MAP2: variants seen among roughly 807,000 people sequenced by gnomAD.
The protein encoded by MAP2 is microtubule associated protein 2.
In MAP2, 14 loss-of-function variants were observed where a neutral mutation model predicts 137.6. The observed-to-expected ratio is 0.10, with a 90% CI of 0.07 to 0.16. MAP2 has a LOEUF of 0.16. Ranked by LOEUF, MAP2 falls within the 10% of genes least tolerant of loss-of-function variation. The pLI is 1.00. For synonymous variants in MAP2, 786 were observed against 782.3 expected (o/e 1.00, Z -0.08); for missense variants, 2,088 against 2,191.5 (o/e 0.95, Z 0.94).
chr2:209,653,500 A>G (rs2094935936), intron 5 of MAP2, 68 bp downstream of exon 5: 1 of 1,490,188 alleles, frequency 6.7e-7, no homozygotes. Flanking sequence ...TCTGAAAGTG[A>G]ATTAATATAC....
chr2:209,509,301 C>T (rs2150228481), intron 2 of MAP2, among the ~76,000 whole-genome samples: 1 of 151,874 alleles, frequency 6.6e-6, no homozygotes, highest in East Asian at 1.9e-4. Context: ...AACCATCTTC[C>T]ACATGGAGAT....
intron 13 of MAP2, among the ~76,000 whole-genome samples, chr2:209,711,737 AAAGTGT>A (rs2065554382): frequency 6.6e-6 from 1 of 152,168 alleles, no homozygotes; most frequent in Non-Finnish European, 1.5e-5. Context: ...AAATAATTTA[AAAGTGT>A]AAGGTGAATA....
chr2:209,697,101 T>C, intron 10 of MAP2, 50 bp downstream of exon 10: 3 of 1,514,222 alleles, frequency 2.0e-6, no homozygotes, highest in Non-Finnish European at 2.6e-6. Flanking sequence ...CATGTATTTT[T>C]TTTTTAAATC....
In MAP2 at chr2:209,678,567, T is replaced by C. The variant is rs1173163890; in HGVS notation, c.263-5T>C. On this transcript the variant is annotated splice_region_variant and splice_polypyrimidine_tract_variant and intron_variant, in intron 5 of 15. Coordinates refer to ENST00000682079, the MANE Select transcript of MAP2 (RefSeq NM_001375505.1). ...TATATTTTATTTTGTTACTGTTTAT[T>C]ACAGAGGAGGTGTCTGCAAGGATAG... The C allele has an allele frequency of 6.8e-7, 1 of 1,476,906 alleles. No individual in the cohort carries two copies. The highest frequency in any genetic ancestry group is 2.4e-5 in the East Asian group (1 of 42,286). The allele number at this position is 1,476,906 out of a possible 1,614,324, so 91.5% of individuals were successfully genotyped here.
At chr2:209,428,567 G>T (rs890332695) in intron 1 of MAP2, among the ~76,000 whole-genome samples, 6 of 151,548 alleles carry the variant, frequency 4.0e-5, no homozygotes, top group African/African-American at 1.5e-4. Context: ...TTGGTCTTTA[G>T]AAAATGAAAT....
At chr2:209,709,477 T>C (rs1307361183) in intron 12 of MAP2, among the ~76,000 whole-genome samples, 1 of 152,118 alleles carries the variant, frequency 6.6e-6, no homozygotes, top group African/African-American at 2.4e-5. Context: ...TTCACCTGGA[T>C]CCCAGAATGA....
At chr2:209,641,976 C>T (rs1308894161) in intron 4 of MAP2, among the ~76,000 whole-genome samples, 2 of 152,112 alleles carry the variant, frequency 1.3e-5, no homozygotes, top group African/African-American at 4.8e-5. Flanking sequence ...CCTATTCCAC[C>T]AGTCTCACTG....
chr2:209,574,101 A>G (rs977275882), intron 2 of MAP2, among the ~76,000 whole-genome samples: 2 of 152,074 alleles, frequency 1.3e-5, no homozygotes, highest in Non-Finnish European at 2.9e-5. Context: ...GTACAGTACA[A>G]TGTTATTACC....
At chr2:209,664,113 A>G (rs2045067458) in intron 5 of MAP2, among the ~76,000 whole-genome samples, 1 of 152,138 alleles carries the variant, frequency 6.6e-6, no homozygotes, top group African/African-American at 2.4e-5. Flanking sequence ...GTTACTTGTT[A>G]TTTGTTTTTA....
intron 4 of MAP2, among the ~76,000 whole-genome samples, chr2:209,635,426 C>A (rs1400372825): frequency 6.6e-6 from 1 of 151,956 alleles, no homozygotes; most frequent in Admixed American, 6.6e-5. Flanking sequence ...TAGAAAAAAA[C>A]CCTGAGTTGA....
chr2:209,705,647 G>A lies in MAP2; in HGVS notation c.4652G>A (p.Arg1551Gln), dbSNP rs775158582. 3.7e-6 allele frequency: 6 copies of A among 1,613,090 alleles called. No individual in the cohort carries two copies. Among genetic ancestry groups the A allele is most frequent in the Non-Finnish European group, 5.1e-6 (6 of 1,179,448 alleles). The change falls in exon 12 of 16, where the codon CGG becomes CAG. Residue 1551 changes from arginine (R) to glutamine (Q), a missense_variant. Around this residue, in one of 6 missense-constraint regions of MAP2, gnomAD observed 591 missense variants for 642.6 expected, o/e 0.92. Transcript: ENST00000682079. Reference protein sequence around the residue: ...LPRPSSILPPRRGVSGDRDEN... With the variant: ...LPRPSSILPPQRGVSGDRDEN... ...AGACCTTCCTCCATTCTCCCTCCTC[G>A]GCGAGGTGTGTCAGGAGACAGAGAT...
At chr2:209,477,387 T>C (rs2149786917) in intron 1 of MAP2, among the ~76,000 whole-genome samples, 2 of 151,966 alleles carry the variant, frequency 1.3e-5, no homozygotes, top group South Asian at 4.2e-4. Context: ...TACATAAATA[T>C]GGCTCTATTA....
chr2:209,498,710 C>T (rs1208548766), intron 1 of MAP2, among the ~76,000 whole-genome samples: 2 of 152,248 alleles, frequency 1.3e-5, no homozygotes, highest in Non-Finnish European at 2.9e-5. Context: ...AGTTTGTGCT[C>T]TCCAGAGCAG....
intron 3 of MAP2, among the ~76,000 whole-genome samples, chr2:209,582,484 C>T (rs982563444): frequency 3.3e-5 from 5 of 152,014 alleles, no homozygotes; most frequent in African/African-American, 9.7e-5. Context: ...AATACTACTC[C>T]CAGGCTTGAC....
chr2:209,713,395 G>A (rs2066206779), intron 13 of MAP2, among the ~76,000 whole-genome samples: 1 of 152,176 alleles, frequency 6.6e-6, no homozygotes, highest in South Asian at 2.1e-4. Flanking sequence ...GCTCAGCTCA[G>A]TGAGTCACAT....
intron 2 of MAP2, among the ~76,000 whole-genome samples, chr2:209,559,022 C>T (rs1191525263): frequency 6.6e-6 from 1 of 152,124 alleles, no homozygotes; most frequent in African/African-American, 2.4e-5. Context: ...TGTTTCCCCA[C>T]ATTCTTTCAC....
At chr2:209,510,997 C>A (rs2061656107) in intron 2 of MAP2, among the ~76,000 whole-genome samples, 1 of 152,002 alleles carries the variant, frequency 6.6e-6, no homozygotes, top group Admixed American at 6.6e-5. Context: ...GGAGGTACTG[C>A]TCAACAAGTG....
intron 7 of MAP2, among the ~76,000 whole-genome samples, chr2:209,688,645 G>T (rs1371687568): frequency 6.6e-6 from 1 of 152,156 alleles, no homozygotes; most frequent in South Asian, 2.1e-4. Flanking sequence ...AAAGCTGGGA[G>T]ACTCAAGTGT....
chr2:209,477,530 A>G (rs959021296), intron 1 of MAP2, among the ~76,000 whole-genome samples: 1 of 152,178 alleles, frequency 6.6e-6, no homozygotes, highest in Non-Finnish European at 1.5e-5. Flanking sequence ...AGGGCACAAT[A>G]AAGAACATTA....
Sources: gnomAD v4.1 joint callset for allele counts (sites outside exome capture counted in the v4.1 genomes callset) on GRCh38, gnomAD v4.1.1 for gene constraint, gnomAD v4.1.1 regional missense constraint, MANE v1.5 for transcripts, NCBI Gene and HGNC (gene_info 2026-07-23, HGNC 2026-07-21) for gene names.